ZNF804A: variants seen among roughly 807,000 people sequenced by gnomAD.
ZNF804A encodes zinc finger protein 804A.
In ZNF804A, 2 loss-of-function variants were observed where a neutral mutation model predicts 16.5. That is an observed-to-expected ratio of 0.12 (90% CI 0.05 to 0.38). ZNF804A has a LOEUF of 0.38. ZNF804A is among the 10% of genes least tolerant of loss of function. The probability of loss-of-function intolerance (pLI) is 0.99; values close to 1 mark genes in which losing one functional copy is unlikely to be tolerated. For synonymous variants in ZNF804A, 534 were observed against 489.6 expected (o/e 1.09, Z -1.20); for missense variants, 1,473 against 1,390.7 (o/e 1.06, Z -0.94).
At chr2:184,770,991 A>G (rs563990846) in intron 1 of ZNF804A, among the ~76,000 whole-genome samples, 1 of 152,190 alleles carries the variant, frequency 6.6e-6, no homozygotes, top group South Asian at 2.1e-4. Context: ...TAACTCGAAC[A>G]CTACAAACAA....
chr2:184,800,960 T>G (rs1244726318), intron 1 of ZNF804A, among the ~76,000 whole-genome samples: 1 of 152,224 alleles, frequency 6.6e-6, no homozygotes, highest in South Asian at 2.1e-4. Context: ...GTCATTGTCA[T>G]TTTTATTCTC....
chr2:184,691,425 A>G (rs544490665), intron 1 of ZNF804A, among the ~76,000 whole-genome samples: 48 of 151,818 alleles, frequency 3.2e-4, no homozygotes, highest in African/African-American at 1.2e-3. Flanking sequence ...CTATATATAT[A>G]TATAGTAAAT....
intron 1 of ZNF804A, among the ~76,000 whole-genome samples, chr2:184,841,069 CT>C (rs1476489809): frequency 6.6e-6 from 1 of 152,108 alleles, no homozygotes; most frequent in Non-Finnish European, 1.5e-5. Flanking sequence ...CGTGTTTTCC[CT>C]TTGAACTTTG....
intron 1 of ZNF804A, among the ~76,000 whole-genome samples, chr2:184,818,896 AC>A (rs1321319357): frequency 1.3e-5 from 2 of 152,222 alleles, no homozygotes; most frequent in East Asian, 3.9e-4. Flanking sequence ...ATACAGGAGC[AC>A]CTAGTTTCAT....
chr2:184,807,174 TA>T (rs1694821143), intron 1 of ZNF804A, among the ~76,000 whole-genome samples: 2 of 151,982 alleles, frequency 1.3e-5, no homozygotes, highest in African/African-American at 4.8e-5. Context: ...ACTCCAATCA[TA>T]TTACTATTCC....
intron 1 of ZNF804A, among the ~76,000 whole-genome samples, chr2:184,831,736 TA>T (rs71011061): frequency 0.15 from 21,304 of 145,064 alleles, 1,638 homozygotes; most frequent in Middle Eastern, 0.24. Context: ...TGGCCTCACT[TA>T]AAAAAAAAAA....
chr2:184,613,671 T>C (rs1691274593), intron 1 of ZNF804A, among the ~76,000 whole-genome samples: 1 of 152,074 alleles, frequency 6.6e-6, no homozygotes, highest in Non-Finnish European at 1.5e-5. Context: ...ACATAGCTGA[T>C]ATAAGAAGAA....
intron 1 of ZNF804A, among the ~76,000 whole-genome samples, chr2:184,706,274 T>C (rs1273664346): frequency 6.6e-6 from 1 of 152,202 alleles, no homozygotes; most frequent in African/African-American, 2.4e-5. Flanking sequence ...GAGGCTGTAG[T>C]CCTGCAGCTG....
At chr2:184,794,600 A>T (rs1694602845) in intron 1 of ZNF804A, among the ~76,000 whole-genome samples, 2 of 152,094 alleles carry the variant, frequency 1.3e-5, no homozygotes, top group African/African-American at 4.8e-5. Context: ...GAAAGACAAA[A>T]AAACCAAGGT....
In ZNF804A at chr2:184,662,191, A is replaced by G. The variant is rs73043242; in HGVS notation, c.111+63121A>G. On this transcript the variant is annotated intron_variant, in intron 1 of 3. Transcript: ENST00000302277. ...GAATGTTTTGTTCTGTTGCTATTAT[A>G]CATACTGAAATAGCAACATTACCTG... Among the ~76,000 whole-genome samples, 413 of 152,302 alleles carry G rather than the reference A, an allele frequency of 2.7e-3. 1 individual carries two copies. The highest frequency in any genetic ancestry group is 9.2e-3 in the African/African-American group (383 of 41,576).
intron 1 of ZNF804A, among the ~76,000 whole-genome samples, chr2:184,717,489 G>A (rs966453395): frequency 1.3e-5 from 2 of 151,924 alleles, no homozygotes; most frequent in African/African-American, 2.4e-5. Flanking sequence ...TTTCAAATTG[G>A]CAAAACTAGA....
At chr2:184,925,786 TA>T (rs1298192629) in intron 2 of ZNF804A, among the ~76,000 whole-genome samples, 2 of 151,992 alleles carry the variant, frequency 1.3e-5, no homozygotes, top group Non-Finnish European at 2.9e-5. Flanking sequence ...GCTAACAACT[TA>T]ACAGTTTTTA....
At chr2:184,918,865 C>T (rs1670828303) in intron 2 of ZNF804A, among the ~76,000 whole-genome samples, 1 of 152,066 alleles carries the variant, frequency 6.6e-6, no homozygotes, top group Non-Finnish European at 1.5e-5. Context: ...CCACATTAAA[C>T]TAAGTGTTTA....
chr2:184,759,510 T>C (rs1396419818), intron 1 of ZNF804A, among the ~76,000 whole-genome samples: 1 of 151,948 alleles, frequency 6.6e-6, no homozygotes, highest in Non-Finnish European at 1.5e-5. Flanking sequence ...ATATATATTT[T>C]TAAAAAGAAA....
chr2:184,676,400 C>T (rs1033056003), intron 1 of ZNF804A, among the ~76,000 whole-genome samples: 1 of 151,158 alleles, frequency 6.6e-6, no homozygotes, highest in Non-Finnish European at 1.5e-5. Flanking sequence ...CACACACACT[C>T]TATTCTGGAT....
chr2:184,793,371 C>T (rs1001634089), intron 1 of ZNF804A, among the ~76,000 whole-genome samples: 1 of 152,044 alleles, frequency 6.6e-6, no homozygotes, highest in African/African-American at 2.4e-5. Flanking sequence ...CAGAGATTGG[C>T]TTAATTTACA....
chr2:184,628,379 A>T (rs1691543189), intron 1 of ZNF804A, among the ~76,000 whole-genome samples: 1 of 152,154 alleles, frequency 6.6e-6, no homozygotes, highest in Non-Finnish European at 1.5e-5. Context: ...GTAATATTAA[A>T]AGAAATATTT....
At chr2:184,603,749 C>T (rs1200349918) in intron 1 of ZNF804A, among the ~76,000 whole-genome samples, 1 of 152,144 alleles carries the variant, frequency 6.6e-6, no homozygotes, top group African/African-American at 2.4e-5. Context: ...TTATAAACTT[C>T]TTCACACAAG....
chr2:184,934,963 T>A (rs1444329130), intron 3 of ZNF804A, among the ~76,000 whole-genome samples: 1 of 152,148 alleles, frequency 6.6e-6, no homozygotes, highest in Admixed American at 6.5e-5. Flanking sequence ...AATTTTCTTG[T>A]CTACTTATAA....
Sources: gnomAD v4.1 joint callset for allele counts (sites outside exome capture counted in the v4.1 genomes callset) on GRCh38, gnomAD v4.1.1 for gene constraint, MANE v1.5 for transcripts, NCBI Gene and HGNC (gene_info 2026-07-23, HGNC 2026-07-21) for gene names.